The following CTSD variants were observed in gnomAD, a reference collection of about 807,000 sequenced individuals.
CTSD encodes cathepsin D, also known as ceroid-lipofuscinosis, neuronal 10.
Under a neutral mutation model 43.6 loss-of-function variants are expected in CTSD, and 28 were observed. The observed-to-expected ratio is 0.64, with a 90% CI of 0.48 to 0.88. The LOEUF is 0.88. Ranked by LOEUF, CTSD falls within the 40% of genes least tolerant of loss-of-function variation. The pLI is 0.00. For synonymous variants in CTSD, 270 were observed against 249.8 expected (o/e 1.08, Z -0.76); for missense variants, 485 against 555.2 (o/e 0.87, Z 1.27).
chr11:1,757,194 G>T, intron 5 of CTSD, 130 bp downstream of exon 5: 1 of 814,248 alleles, frequency 1.2e-6, no homozygotes. Flanking sequence ...ATGCCCTGAG[G>T]TCAGAGGTCA....
At chr11:1,763,070 A>G (rs72850962) in intron 1 of CTSD, 12,775 of 152,512 alleles carry the variant, frequency 0.084, 565 homozygotes, top group Middle Eastern at 0.13. Context: ...GGGGGTCAAG[A>G]AAGCAGACTG....
intron 4 of CTSD, among the ~76,000 whole-genome samples, chr11:1,758,507 C>T (rs1272903756): frequency 6.6e-6 from 1 of 152,084 alleles, no homozygotes; most frequent in Non-Finnish European, 1.5e-5. Flanking sequence ...GCCACTGCTG[C>T]TCCCCCTCCC....
At chr11:1,754,680 G>A (rs1845787275) in intron 6 of CTSD, among the ~76,000 whole-genome samples, 1 of 150,036 alleles carries the variant, frequency 6.7e-6, no homozygotes, top group Non-Finnish European at 1.5e-5. Context: ...AGGCATGGAG[G>A]AAATGGAGGG....
intron 2 of CTSD, chr11:1,760,333 G>A (rs1845859842): frequency 6.6e-6 from 1 of 152,398 alleles, no homozygotes; most frequent in African/African-American, 2.4e-5. Flanking sequence ...ATGCCGCCGA[G>A]CCTCTCAGGA....
intron 1 of CTSD, chr11:1,762,181 C>T: frequency 6.5e-6 from 1 of 154,978 alleles, no homozygotes; most frequent in Non-Finnish European, 1.4e-5. Context: ...GCACCTGGGG[C>T]CTTAGAGGCT....
At position 1,763,911 on chromosome 11, in the gene CTSD, G is replaced by T. The variant is rs917424230; in HGVS notation, c.-52C>A. ...TCGCCGAGGCCGTGCGCTTATAGCC[G>T]GGATGACGCCGCAGTTGGGCCGGAT... On this transcript the variant is annotated 5_prime_UTR_variant, in exon 1 of 9. Transcript: ENST00000236671. 3 of 1,464,426 alleles carry T rather than the reference G, an allele frequency of 2.0e-6. No individual in the cohort carries two copies. The African/African-American group carries it at 4.4e-5, about 21-fold the overall frequency. The allele number at this position is 1,464,426 out of a possible 1,614,324, so 90.7% of individuals were successfully genotyped here.
chr11:1,758,688 A>G (rs1845838101), intron 4 of CTSD, among the ~76,000 whole-genome samples: 1 of 152,078 alleles, frequency 6.6e-6, no homozygotes, highest in Admixed American at 6.5e-5. Context: ...CAATGTGCCA[A>G]AAAGAGCCCG....
intron 8 of CTSD, 61 bp from the exon 9 acceptor site, chr11:1,753,731 C>T (rs1181609245): frequency 6.2e-7 from 1 of 1,607,960 alleles, no homozygotes; most frequent in Non-Finnish European, 8.5e-7. Context: ...CACCTGTTGC[C>T]CGCTCACCTG....
chr11:1,755,139 G>A, intron 5 of CTSD, 111 bp from the exon 6 acceptor site: 1 of 1,334,486 alleles, frequency 7.5e-7, no homozygotes, highest in Non-Finnish European at 1.1e-6. Flanking sequence ...CTGAAGGAGG[G>A]GCCTTTCTGA....
Position 1,761,371 on chromosome 11 carries a change from A to G in CTSD, c.166T>C (p.Ser56Pro). 3 of 1,613,742 alleles carry G rather than the reference A, an allele frequency of 1.9e-6. No individual in the cohort carries two copies. Among genetic ancestry groups the G allele is most frequent in the Non-Finnish European group, 1.7e-6 (2 of 1,179,990 alleles). The change falls in exon 2 of 9, where the codon TCC (serine) becomes CCC (proline). Residue 56 changes from serine to proline, a missense_variant. Ser to Pro is a moderately conservative substitution (Grantham distance 74). Coordinates refer to ENST00000236671, the MANE Select transcript of CTSD (RefSeq NM_001909.5). ...TCGGTCACGGCTGGCACCGCCTGGG[A>G]GTACTTTGAGACGGGGCCTTTGGCA... ...LIAKGPVSKY[S>P]QAVPAVTEGP...
rs747953692 is a variant in CTSD, at chr11:1,753,630, A to G, written c.1112T>C (p.Met371Thr). The G allele has an allele frequency of 6.2e-7, 1 of 1,612,976 alleles. No individual in the cohort carries two copies. ...AGKTLCLSGFMGMDIPPPSGP... is the reference protein window; with the variant it reads ...AGKTLCLSGFTGMDIPPPSGP... ...GCTGGGTGGCGGGATGTCCATGCCC[A>G]TGAAGCCGCTCAGGCAGAGGGTCTT... The change falls in exon 9 of 9, where the codon ATG becomes ACG. Residue 371 changes from methionine to threonine, a missense_variant. By Grantham distance (81) the Met-to-Thr change is moderately conservative. Coordinates refer to ENST00000236671, the MANE Select transcript of CTSD (RefSeq NM_001909.5).
intron 5 of CTSD, among the ~76,000 whole-genome samples, chr11:1,756,087 C>T (rs1189443258): frequency 1.3e-5 from 2 of 151,444 alleles, no homozygotes; most frequent in African/African-American, 4.8e-5. Context: ...GTGTATGCCT[C>T]CCCCGACCTG....
In CTSD at chr11:1,757,496, C is replaced by A; in HGVS notation, c.532G>T (p.Val178Phe). 1 of 1,613,932 alleles carries A rather than the reference C, an allele frequency of 6.2e-7. No homozygotes were observed. The highest frequency in any genetic ancestry group is 1.1e-5 in the South Asian group (1 of 91,080). Residue 178 changes from valine (V) to phenylalanine (F), a missense_variant, in exon 5 of 9, where the codon GTC becomes TTC. By Grantham distance (50) the Val-to-Phe change is conservative. Coordinates refer to ENST00000236671, the MANE Select transcript of CTSD (RefSeq NM_001909.5). The part of the protein sequence containing the change: ...ALGGVKVERQ[V>F]FGEATKQPGI... ...GGCTGCTTGGTGGCCTCCCCAAAGA[C>A]CTGCCTCTCCACTTTGACACCGCCC...
intron 2 of CTSD, chr11:1,761,008 C>T (rs1384264141): frequency 4.5e-6 from 2 of 446,498 alleles, no homozygotes; most frequent in South Asian, 2.1e-5. Flanking sequence ...CCAGGTCAGC[C>T]GGCCACACTC....
At chr11:1,761,028 CAAGG>C in intron 2 of CTSD, 1 of 484,266 alleles carries the variant, frequency 2.1e-6, no homozygotes, top group Non-Finnish European at 3.8e-6. Flanking sequence ...CAGGCAGGCC[CAAGG>C]ACCGCCCCCT....
At position 1,758,513 on chromosome 11, in the gene CTSD, C is replaced by T. The variant is rs11825269; in HGVS notation, c.471+456G>A. ...CCCCCAACAGCCACTGCTGCTCCCC[C>T]TCCCTTGCCCTCCCAGGCTCCTGCC... On this transcript the variant is annotated intron_variant, in intron 4 of 8. Transcript: ENST00000236671. Among the ~76,000 whole-genome samples the T allele has an allele frequency of 1.5e-3, 229 of 152,230 alleles. 1 individual carries two copies. Among genetic ancestry groups the T allele is most frequent in the African/African-American group, 5.1e-3 (211 of 41,534 alleles).
At chr11:1,753,927 G>C in intron 7 of CTSD, 26 bp from the exon 8 acceptor site, 2 of 1,612,408 alleles carry the variant, frequency 1.2e-6, no homozygotes, top group Non-Finnish European at 1.7e-6. Flanking sequence ...GCAGTGTCAG[G>C]GTGGTAGTGG....
intron 4 of CTSD, 137 bp from the exon 5 acceptor site, chr11:1,757,693 C>T: frequency 1.3e-6 from 1 of 761,402 alleles, no homozygotes; most frequent in East Asian, 2.7e-5. Flanking sequence ...GAAGAAAGGG[C>T]TGGAAACCCT....
At chr11:1,759,132 C>T (rs377688500) in intron 3 of CTSD, 45 bp from the exon 4 acceptor site, 51 of 1,407,526 alleles carry the variant, frequency 3.6e-5, no homozygotes, top group Middle Eastern at 1.8e-4. Context: ...CCGCAGCCCA[C>T]GCCACGGCCT....
Sources: gnomAD v4.1 joint callset for allele counts (sites outside exome capture counted in the v4.1 genomes callset) on GRCh38, gnomAD v4.1.1 for gene constraint, MANE v1.5 for transcripts, NCBI Gene and HGNC (gene_info 2026-07-23, HGNC 2026-07-21) for gene names.